Variants in DGKG observed in about 807,000 individuals in gnomAD.
The protein encoded by DGKG is diacylglycerol kinase gamma, also known as DAG kinase gamma.
Under a neutral mutation model 105.3 loss-of-function variants are expected in DGKG, and 78 were observed. The observed-to-expected ratio is 0.74, with a 90% CI of 0.62 to 0.89. DGKG has a LOEUF of 0.89. Ranked by LOEUF, DGKG falls within the 40% of genes least tolerant of loss-of-function variation. The probability of loss-of-function intolerance (pLI) is 0.00; values close to 1 mark genes in which losing one functional copy is unlikely to be tolerated. For synonymous variants in DGKG, 346 were observed against 367.1 expected (o/e 0.94, Z 0.66); for missense variants, 958 against 1,020.1 (o/e 0.94, Z 0.83).
chr3:186,174,652 CTGTG>C (rs67342971), intron 22 of DGKG, among the ~76,000 whole-genome samples: 26,971 of 145,442 alleles, frequency 0.19, 2,732 homozygotes, highest in Middle Eastern at 0.23. Context: ...TTCCCTGCGG[CTGTG>C]TGTGTGTGTG....
chr3:186,221,038 C>T (rs991774315), intron 20 of DGKG, among the ~76,000 whole-genome samples: 1 of 152,226 alleles, frequency 6.6e-6, no homozygotes, highest in Non-Finnish European at 1.5e-5. Flanking sequence ...CGGGCACACA[C>T]ACAGGCCGCA....
At chr3:186,272,401 G>T in intron 10 of DGKG, 58 bp from the exon 11 acceptor site, 2 of 1,277,760 alleles carry the variant, frequency 1.6e-6, no homozygotes, top group Non-Finnish European at 2.3e-6. Flanking sequence ...GAAAGGCCCA[G>T]CTGCCCTCCC....
chr3:186,175,552 C>T (rs1375485542), intron 22 of DGKG, among the ~76,000 whole-genome samples: 1 of 152,096 alleles, frequency 6.6e-6, no homozygotes, highest in Non-Finnish European at 1.5e-5. Context: ...GGGGAATGTC[C>T]CAGTGGCTCT....
chr3:186,310,850 T>C (rs894346628), intron 2 of DGKG, among the ~76,000 whole-genome samples: 3 of 152,244 alleles, frequency 2.0e-5, no homozygotes, highest in Admixed American at 1.3e-4. Flanking sequence ...AGTCACCTTA[T>C]ATATTTTATT....
chr3:186,316,266 A>T (rs903232596), intron 2 of DGKG, among the ~76,000 whole-genome samples: 6 of 152,222 alleles, frequency 3.9e-5, no homozygotes, highest in African/African-American at 1.4e-4. Context: ...CAAGTTTTGA[A>T]GTTGTTTTGA....
At chr3:186,357,054 T>G (rs1409813079) in intron 1 of DGKG, among the ~76,000 whole-genome samples, 2 of 152,102 alleles carry the variant, frequency 1.3e-5, no homozygotes, top group African/African-American at 2.4e-5. Context: ...ATCCTCGCCA[T>G]CTGTTGATGG....
At chr3:186,234,574 A>T (rs1720322030) in intron 20 of DGKG, among the ~76,000 whole-genome samples, 1 of 152,194 alleles carries the variant, frequency 6.6e-6, no homozygotes, top group Admixed American at 6.5e-5. Context: ...TTCTGATATG[A>T]TCACAAACCG....
At chr3:186,311,722 T>C (rs1267717200) in intron 2 of DGKG, among the ~76,000 whole-genome samples, 1 of 152,160 alleles carries the variant, frequency 6.6e-6, no homozygotes, top group Non-Finnish European at 1.5e-5. Flanking sequence ...GTGCGTTCCA[T>C]CTGAACAAGC....
At chr3:186,216,627 A>ACACCAC (rs1276337780) in intron 20 of DGKG, among the ~76,000 whole-genome samples, 1 of 151,966 alleles carries the variant, frequency 6.6e-6, no homozygotes, top group African/African-American at 2.4e-5. Context: ...CAACACCAGC[A>ACACCAC]CACCACCACC....
At chr3:186,285,827 G>A (rs1301308364) in intron 6 of DGKG, among the ~76,000 whole-genome samples, 2 of 151,934 alleles carry the variant, frequency 1.3e-5, no homozygotes, top group African/African-American at 4.8e-5. Context: ...TTACAGGCAT[G>A]CACCACCACA....
At position 186,252,029 on chromosome 3, in the gene DGKG, TC is replaced by T. The variant is rs149724456; in HGVS notation, c.1601-111del. On this transcript the variant is annotated intron_variant, in intron 18 of 24. Coordinates refer to ENST00000265022, the MANE Select transcript of DGKG (RefSeq NM_001346.3). The stretch of plus-strand genomic sequence containing the variant: ...CCCAGGGCATCTGTGACTATGGGAC[TC>T]CCCACTGTGTCTGTGGGCTAGAGAC... 624 of 1,039,224 alleles carry T rather than the reference TC, an allele frequency of 6.0e-4. 7 individuals are homozygous for T. The East Asian group carries it at 0.016, about 27-fold the overall frequency. 64.4% of individuals were successfully genotyped at this position (1,039,224 alleles called of 1,614,324 possible).
rs1242540257 is a variant in DGKG at position 186,188,372 on chromosome 3, C to T, written c.1925G>A (p.Gly642Glu). The change falls in exon 22 of 25, where the codon GGG (glycine) becomes GAG (glutamate). Residue 642 changes from glycine to glutamate, a missense_variant. This residue lies in a region of DGKG where 315 missense variants were observed against 400.6 expected (regional missense o/e 0.79). Transcript: ENST00000265022. ...GATGTTGCTCAGGTCCACCCCAACC[C>T]CATCACACTGGAGGACGGAGAGAAA... is the stretch of plus-strand genomic sequence containing the variant. Reference protein sequence around the residue: ...LHDHIELECDGVGVDLSNIFL... With the variant: ...LHDHIELECDEVGVDLSNIFL... The T allele has an allele frequency of 6.2e-7, 1 of 1,614,008 alleles. No homozygotes were observed. The highest frequency in any genetic ancestry group is 8.5e-7 in the Non-Finnish European group (1 of 1,180,004).
At position 186,256,329 on chromosome 3, in the gene DGKG, T is replaced by C. The variant is rs138598729; in HGVS notation, c.1510+1525A>G. On this transcript the variant is annotated intron_variant, in intron 17 of 24. Transcript: ENST00000265022. Reference sequence around the variant, plus strand: ...CCCGGAGGCACGGCTTTCTCTGCCCTGGTCACGGTCTAGTCCTGGCTTGTC... The same window carrying C: ...CCCGGAGGCACGGCTTTCTCTGCCCCGGTCACGGTCTAGTCCTGGCTTGTC... 2.1e-3 allele frequency among the ~76,000 whole-genome samples: 320 copies of C among 152,348 alleles called. 1 individual carries two copies. Among genetic ancestry groups the C allele is most frequent in the African/African-American group, 7.1e-3 (297 of 41,574 alleles).
At chr3:186,250,769 C>G (rs986529537) in intron 19 of DGKG, among the ~76,000 whole-genome samples, 1 of 151,956 alleles carries the variant, frequency 6.6e-6, no homozygotes, top group Non-Finnish European at 1.5e-5. Flanking sequence ...AGGCTGGTCT[C>G]GAACTCCTGG....
intron 21 of DGKG, among the ~76,000 whole-genome samples, chr3:186,192,504 T>C (rs559028859): frequency 5.3e-5 from 8 of 152,294 alleles, no homozygotes; most frequent in South Asian, 2.1e-4. Flanking sequence ...GATTCACCCA[T>C]AGTATCTCTT....
intron 20 of DGKG, 44 bp downstream of exon 20, chr3:186,242,460 G>A: frequency 6.5e-7 from 1 of 1,543,710 alleles, no homozygotes; most frequent in Non-Finnish European, 8.8e-7. Flanking sequence ...GTTCCGCCAG[G>A]GCCACACTGG....
intron 6 of DGKG, among the ~76,000 whole-genome samples, chr3:186,287,110 A>T (rs1723106898): frequency 6.6e-6 from 1 of 152,104 alleles, no homozygotes; most frequent in Non-Finnish European, 1.5e-5. Context: ...ATTAAAAGAG[A>T]GTAAAGAGAC....
chr3:186,256,630 A>C (rs919877556), intron 17 of DGKG, among the ~76,000 whole-genome samples: 2 of 152,194 alleles, frequency 1.3e-5, no homozygotes, highest in Non-Finnish European at 2.9e-5. Flanking sequence ...TATTCCATAG[A>C]ATGCCCTATA....
intron 21 of DGKG, among the ~76,000 whole-genome samples, chr3:186,211,010 C>T (rs775158823): frequency 6.6e-6 from 1 of 152,018 alleles, no homozygotes; most frequent in Admixed American, 6.5e-5. Flanking sequence ...GCCCAGCCAA[C>T]GTGGGGTGAG....
Sources: gnomAD v4.1 joint callset for allele counts (sites outside exome capture counted in the v4.1 genomes callset) on GRCh38, gnomAD v4.1.1 for gene constraint, gnomAD v4.1.1 regional missense constraint, MANE v1.5 for transcripts, NCBI Gene and HGNC (gene_info 2026-07-23, HGNC 2026-07-21) for gene names.